The following PRUNE2 variants were observed in gnomAD, a reference collection of about 807,000 sequenced individuals.
The protein encoded by PRUNE2 is prune homolog 2 with BCH domain.
A neutral mutation model predicts 252.0 loss-of-function variants in PRUNE2; 164 were observed. That is an observed-to-expected ratio of 0.65 (90% CI 0.57 to 0.74). PRUNE2 has a LOEUF of 0.74. Among genes scored for constraint, PRUNE2 ranks in the 30% least tolerant of loss-of-function variants. The pLI, the probability that PRUNE2 is intolerant of heterozygous loss-of-function variation, is 0.00. For synonymous variants in PRUNE2, 1,292 were observed against 1,350.2 expected (o/e 0.96, Z 0.94); for missense variants, 3,495 against 3,711.0 (o/e 0.94, Z 1.51).
chr9:76,671,658 T>C (rs1201299237), intron 9 of PRUNE2, among the ~76,000 whole-genome samples: 1 of 151,936 alleles, frequency 6.6e-6, no homozygotes, highest in African/African-American at 2.4e-5. Context: ...GAGAGAAAGG[T>C]CGGGTTACCA....
chr9:76,775,439 G>C (rs2053629662), intron 6 of PRUNE2, among the ~76,000 whole-genome samples: 1 of 151,698 alleles, frequency 6.6e-6, no homozygotes, highest in South Asian at 2.1e-4. Flanking sequence ...TGGGACTACA[G>C]GCATGCACTA....
chr9:76,847,768 C>A (rs1439009615), intron 3 of PRUNE2, among the ~76,000 whole-genome samples: 2 of 152,218 alleles, frequency 1.3e-5, no homozygotes, highest in Non-Finnish European at 1.5e-5. Context: ...ATAAAGATTT[C>A]TATTTATTTT....
intron 1 of PRUNE2, among the ~76,000 whole-genome samples, chr9:76,870,791 ACAT>A (rs2061154114): frequency 6.6e-6 from 1 of 150,436 alleles, no homozygotes; most frequent in South Asian, 2.1e-4. Flanking sequence ...GGCAGGTTTG[ACAT>A]CATCATATCC....
At position 76,692,040 on chromosome 9, in the gene PRUNE2, C is replaced by T. The variant is rs189247386; in HGVS notation, c.8276+11297G>A. On this transcript the variant is annotated intron_variant, in intron 9 of 18. Coordinates refer to ENST00000376718, the MANE Select transcript of PRUNE2 (RefSeq NM_015225.3). ...CCATCTCATTCTGTCCTTCCCGTAC[C>T]GATCTCCTAAAAGCTACACCAGGAC... is the stretch of plus-strand genomic sequence containing the variant. 107 of 717,170 alleles carry T rather than the reference C, an allele frequency of 1.5e-4. No individual in the cohort carries two copies. In the African/African-American group the frequency reaches 1.6e-3, roughly 11 times the overall value. The allele number at this position is 717,170 out of a possible 1,614,324, so 44.4% of individuals were successfully genotyped here.
intron 6 of PRUNE2, among the ~76,000 whole-genome samples, chr9:76,726,764 C>T (rs1054338133): frequency 6.6e-6 from 1 of 152,308 alleles, no homozygotes; most frequent in African/African-American, 2.4e-5. Context: ...CCCTTGAAGT[C>T]TTCAGAAGCT....
At chr9:76,679,237 T>A (rs888199366) in intron 9 of PRUNE2, among the ~76,000 whole-genome samples, 1 of 152,210 alleles carries the variant, frequency 6.6e-6, no homozygotes, top group African/African-American at 2.4e-5. Flanking sequence ...CATATAAGGA[T>A]TAGATATTGC....
At chr9:76,748,471 A>G (rs1219994532) in intron 6 of PRUNE2, among the ~76,000 whole-genome samples, 1 of 152,186 alleles carries the variant, frequency 6.6e-6, no homozygotes, top group East Asian at 1.9e-4. Flanking sequence ...GTGGATTAGT[A>G]ACTGCTATGG....
At chr9:76,684,111 C>T (rs1307033205) in intron 9 of PRUNE2, among the ~76,000 whole-genome samples, 1 of 152,056 alleles carries the variant, frequency 6.6e-6, no homozygotes, top group East Asian at 1.9e-4. Context: ...TTAAAATCTA[C>T]ATTTTTAGTA....
chr9:76,797,508 A>G (rs1406759467), intron 6 of PRUNE2, among the ~76,000 whole-genome samples: 1 of 152,188 alleles, frequency 6.6e-6, no homozygotes, highest in African/African-American at 2.4e-5. Flanking sequence ...TATTATTTTA[A>G]AAATTGTTTC....
At chr9:76,881,743 T>C (rs2133301671) in intron 1 of PRUNE2, among the ~76,000 whole-genome samples, 1 of 152,014 alleles carries the variant, frequency 6.6e-6, no homozygotes, top group African/African-American at 2.4e-5. Context: ...TGCCTCAGCC[T>C]CCCGAGTAGC....
intron 6 of PRUNE2, chr9:76,784,128 A>C (rs1158936699): frequency 6.6e-6 from 1 of 152,180 alleles, no homozygotes; most frequent in Non-Finnish European, 1.5e-5. Flanking sequence ...CCCTGGGAGA[A>C]ATGCCCGGCC....
intron 6 of PRUNE2, among the ~76,000 whole-genome samples, chr9:76,794,821 T>G (rs765491567): frequency 3.9e-5 from 6 of 152,018 alleles, no homozygotes; most frequent in Admixed American, 6.6e-5. Flanking sequence ...CCTCATGGAG[T>G]GGCCCTAAGA....
chr9:76,722,826 G>C (rs1017783463), intron 6 of PRUNE2, among the ~76,000 whole-genome samples: 3 of 152,162 alleles, frequency 2.0e-5, no homozygotes, highest in Non-Finnish European at 4.4e-5. Context: ...TTAAACCCAG[G>C]TTAGTTTAAC....
intron 6 of PRUNE2, among the ~76,000 whole-genome samples, chr9:76,812,721 A>G (rs962864965): frequency 1.3e-5 from 2 of 152,200 alleles, no homozygotes; most frequent in African/African-American, 4.8e-5. Context: ...TGTGACCGGA[A>G]GCAATTTTCT....
chr9:76,669,471 C>T (rs529632512), intron 9 of PRUNE2, among the ~76,000 whole-genome samples: 10 of 152,276 alleles, frequency 6.6e-5, no homozygotes, highest in African/African-American at 2.2e-4. Context: ...AGCTGCGGGC[C>T]ACCACACCCA....
At chr9:76,901,994 C>T (rs1415196970) in intron 1 of PRUNE2, among the ~76,000 whole-genome samples, 3 of 152,138 alleles carry the variant, frequency 2.0e-5, no homozygotes, top group South Asian at 2.1e-4. Flanking sequence ...ATGAGGGCTG[C>T]GGTGATCTCC....
Position 76,706,533 on chromosome 9 carries a change from T to A in PRUNE2, c.5741A>T (p.Gln1914Leu). ...GAACTTGTCAGCATCTGGGTCTGGC[T>A]GCCTTGGTTGAATGTTCCAGAGTTG... ...HEQLWNIQPRQPDPDADKFSQ... is the reference protein window; with the variant it reads ...HEQLWNIQPRLPDPDADKFSQ... Residue 1914 changes from glutamine to leucine, a missense_variant, in exon 8 of 19, where the codon CAG (glutamine) becomes CTG (leucine). By Grantham distance (113) the Gln-to-Leu change is moderately radical (BLOSUM62 -2). Transcript: ENST00000376718. 3 of 1,614,020 alleles carry A rather than the reference T, an allele frequency of 1.9e-6. No individual in the cohort carries two copies. The highest frequency in any genetic ancestry group is 2.7e-5 in the African/African-American group (2 of 75,066).
At chr9:76,718,686 C>T (rs1165132842) in intron 6 of PRUNE2, among the ~76,000 whole-genome samples, 2 of 152,072 alleles carry the variant, frequency 1.3e-5, no homozygotes, top group East Asian at 1.9e-4. Context: ...TCTCTCTTTC[C>T]ACTTTCTCCT....
At chr9:76,823,770 A>ATTT in intron 5 of PRUNE2, 44 bp from the exon 6 acceptor site, 1 of 1,114,768 alleles carries the variant, frequency 9.0e-7, no homozygotes, top group South Asian at 1.5e-5. Flanking sequence ...TACTTGAGGG[A>ATTT]TTTTTTTTTT....
Sources: allele counts gnomAD v4.1 joint callset (sites outside exome capture counted in the v4.1 genomes callset), GRCh38; gene constraint gnomAD v4.1.1; transcripts MANE v1.5; gene names NCBI Gene and HGNC (gene_info 2026-07-23, HGNC 2026-07-21).